LAMC1: variants seen among roughly 807,000 people sequenced by gnomAD.
LAMC1 encodes the protein laminin subunit gamma-1.
Under a neutral mutation model 173.6 loss-of-function variants are expected in LAMC1, and 38 were observed. The observed-to-expected ratio is 0.22, with a 90% CI of 0.17 to 0.29. LAMC1 has a LOEUF of 0.29. Ranked by LOEUF, LAMC1 falls within the 10% of genes least tolerant of loss-of-function variation. The pLI is 1.00. For synonymous variants in LAMC1, 746 were observed against 749.1 expected (o/e 1.00, Z 0.07); for missense variants, 1,824 against 2,051.8 (o/e 0.89, Z 2.14).
chr1:183,106,452 T>A (rs1655980701), intron 2 of LAMC1, among the ~76,000 whole-genome samples: 1 of 152,220 alleles, frequency 6.6e-6, no homozygotes, highest in South Asian at 2.1e-4. Flanking sequence ...TTAGCTTTTA[T>A]GAGCTCTCCA....
intron 1 of LAMC1, among the ~76,000 whole-genome samples, chr1:183,068,462 A>G (rs927135543): frequency 6.6e-6 from 1 of 152,180 alleles, no homozygotes; most frequent in African/African-American, 2.4e-5. Context: ...ATGTTCTTCA[A>G]ATTAGTTAAG....
intron 1 of LAMC1, among the ~76,000 whole-genome samples, chr1:183,065,005 A>G (rs535434187): frequency 6.6e-6 from 1 of 152,256 alleles, no homozygotes; most frequent in African/African-American, 2.4e-5. Flanking sequence ...GCACATGGGG[A>G]AAATGTGCAA....
intron 26 of LAMC1, chr1:183,138,557 T>TCC (rs1657014480): frequency 6.6e-6 from 1 of 152,110 alleles, no homozygotes; most frequent in South Asian, 2.1e-4. Context: ...GAAAACATAG[T>TCC]CCCTCAGTGT....
At chr1:183,105,706 C>T (rs1169788372) in intron 2 of LAMC1, among the ~76,000 whole-genome samples, 1 of 152,020 alleles carries the variant, frequency 6.6e-6, no homozygotes, top group African/African-American at 2.4e-5. Flanking sequence ...ACATGAGTTA[C>T]GTGTCTCTGG....
At chr1:183,034,406 G>C (rs916519239) in intron 1 of LAMC1, among the ~76,000 whole-genome samples, 3 of 152,138 alleles carry the variant, frequency 2.0e-5, no homozygotes, top group Non-Finnish European at 2.9e-5. Flanking sequence ...GAGTAGCTGG[G>C]ACTCTACAGG....
In LAMC1 at chr1:183,038,037, A is replaced by AT. The variant is rs35049638; in HGVS notation, c.418+13919dup. ...GACCTGTTTAGTATACATTGTATGTATTTTTTTTTTTTTTTTGAGACAGAG... is the reference window on the plus strand; with the variant it reads ...GACCTGTTTAGTATACATTGTATGTATTTTTTTTTTTTTTTTTGAGACAGAG... On this transcript the variant is annotated intron_variant, in intron 1 of 27. Transcript: ENST00000258341. Among the ~76,000 whole-genome samples the AT allele has an allele frequency of 7.1e-3, 968 of 136,894 alleles. 20 individuals carry two copies. Among genetic ancestry groups the AT allele is most frequent in the Non-Finnish European group, 8.8e-3 (566 of 64,200 alleles). 89.8% of individuals were successfully genotyped at this position (136,894 alleles called of 152,430 possible).
intron 1 of LAMC1, among the ~76,000 whole-genome samples, chr1:183,066,394 T>C (rs530994976): frequency 6.6e-6 from 1 of 152,340 alleles, no homozygotes; most frequent in South Asian, 2.1e-4. Context: ...GAAGACAGTG[T>C]GGTGATTCCT....
intron 4 of LAMC1, among the ~76,000 whole-genome samples, chr1:183,113,070 G>A (rs1323917055): frequency 6.6e-6 from 1 of 152,196 alleles, no homozygotes; most frequent in Admixed American, 6.5e-5. Flanking sequence ...CAGCTACGTG[G>A]CAGGATGAGG....
rs192595506 is a variant in LAMC1 at position 183,117,879 on chromosome 1, C to T, written c.1878-155C>T. 2.0e-5 allele frequency among the ~76,000 whole-genome samples: 3 copies of T among 152,234 alleles called. No individual in the cohort carries two copies. The East Asian group carries it at 5.8e-4, about 29-fold the overall frequency. ...GGAGCCTTCCTTTCTTTACCTTTAT[C>T]TTTTCCAATTGTACTACCAAACCAA... On this transcript the variant is annotated intron_variant, in intron 10 of 27. Coordinates refer to ENST00000258341, the MANE Select transcript of LAMC1 (RefSeq NM_002293.4).
At chr1:183,082,731 A>T (rs1265376557) in intron 1 of LAMC1, among the ~76,000 whole-genome samples, 1 of 152,224 alleles carries the variant, frequency 6.6e-6, no homozygotes, top group Non-Finnish European at 1.5e-5. Context: ...CATTTTAGGC[A>T]TGTAACTAGG....
At chr1:183,087,534 T>G (rs149471311) in intron 1 of LAMC1, among the ~76,000 whole-genome samples, 37 of 152,322 alleles carry the variant, frequency 2.4e-4, no homozygotes, top group Non-Finnish European at 1.9e-4. Flanking sequence ...TGTCTTCTTT[T>G]TAGTAGAAAT....
intron 1 of LAMC1, among the ~76,000 whole-genome samples, chr1:183,034,280 C>T (rs2102009388): frequency 6.6e-6 from 1 of 151,806 alleles, no homozygotes; most frequent in Non-Finnish European, 1.5e-5. Context: ...TCAGTTGAAA[C>T]TTTTTTCTGA....
At chr1:183,110,080 C>A (rs1357344588) in intron 3 of LAMC1, among the ~76,000 whole-genome samples, 3 of 152,156 alleles carry the variant, frequency 2.0e-5, no homozygotes, top group Non-Finnish European at 4.4e-5. Flanking sequence ...TTGTCATCAT[C>A]CCTGTTTTAC....
intron 1 of LAMC1, among the ~76,000 whole-genome samples, chr1:183,094,203 A>G (rs1397122004): frequency 2.0e-5 from 3 of 152,058 alleles, no homozygotes; most frequent in Non-Finnish European, 4.4e-5. Context: ...TGCCTGCCTC[A>G]GGGTATTGCA....
chr1:183,085,911 C>T (rs1186237498), intron 1 of LAMC1, among the ~76,000 whole-genome samples: 1 of 152,076 alleles, frequency 6.6e-6, no homozygotes, highest in African/African-American at 2.4e-5. Flanking sequence ...TTTTATTTTT[C>T]ACACTAATAT....
intron 1 of LAMC1, among the ~76,000 whole-genome samples, chr1:183,056,324 A>G (rs1326892355): frequency 6.6e-6 from 1 of 152,138 alleles, no homozygotes; most frequent in African/African-American, 2.4e-5. Context: ...CACCCACCCC[A>G]TGGTCGATCC....
At chr1:183,095,946 G>T (rs112478594) in intron 1 of LAMC1, among the ~76,000 whole-genome samples, 3,164 of 152,260 alleles carry the variant, frequency 0.021, 58 homozygotes, top group South Asian at 0.078. Context: ...CTCTCCAAGG[G>T]TGTTTGACAT....
chr1:183,034,564 C>T (rs974356796), intron 1 of LAMC1, among the ~76,000 whole-genome samples: 20 of 152,312 alleles, frequency 1.3e-4, no homozygotes, highest in African/African-American at 4.8e-4. Context: ...AGCCACCGCG[C>T]CCAGCCCAGT....
chr1:183,117,823 C>A (rs1656364954), intron 10 of LAMC1, 100 bp downstream of exon 10: 7 of 1,103,942 alleles, frequency 6.3e-6, no homozygotes, highest in Non-Finnish European at 9.2e-6. Flanking sequence ...TAAAGAAAAA[C>A]TTCTGGGTTA....
Sources: gnomAD v4.1 joint callset for allele counts (sites outside exome capture counted in the v4.1 genomes callset) on GRCh38, gnomAD v4.1.1 for gene constraint, MANE v1.5 for transcripts, NCBI Gene and HGNC (gene_info 2026-07-23, HGNC 2026-07-21) for gene names.